TRIM39: variants seen among roughly 807,000 people sequenced by gnomAD.
TRIM39 encodes the protein E3 ubiquitin-protein ligase TRIM39.
TRIM39 carries 5 observed loss-of-function variants against 53.6 expected under a neutral mutation model. The observed-to-expected ratio is 0.09, with a 90% CI of 0.05 to 0.20. The LOEUF (loss-of-function observed/expected upper bound fraction) is 0.20. Among genes scored for constraint, TRIM39 ranks in the 10% least tolerant of loss-of-function variants. The pLI, the probability that TRIM39 is intolerant of heterozygous loss-of-function variation, is 1.00. For synonymous variants in TRIM39, 196 were observed against 237.6 expected (o/e 0.82, Z 1.61); for missense variants, 310 against 621.0 (o/e 0.50, Z 5.32).
At chr6:30,334,693 A>C in intron 4 of TRIM39, among the ~76,000 whole-genome samples, 1 of 152,104 alleles carries the variant, frequency 6.6e-6, no homozygotes, top group Non-Finnish European at 1.5e-5. Context: ...TGACAATCTT[A>C]TTTTTAACTT....
rs1350660223 is a variant in TRIM39, at chr6:30,338,237, C to T, written c.781-1671C>T. 6.6e-6 allele frequency among the ~76,000 whole-genome samples: 1 copy of T among 152,168 alleles called. No individual in the cohort carries two copies. The highest frequency in any genetic ancestry group is 1.9e-4 in the East Asian group (1 of 5,202). On this transcript the variant is annotated intron_variant, in intron 5 of 7. Coordinates refer to ENST00000396551, the Ensembl canonical transcript of TRIM39. The surrounding 1 kb of genome is among the most constrained non-coding windows in gnomAD (Gnocchi z 4.0). ...ATAACTTTTCCTTAGCATTCACAGC[C>T]TGGCTTGGTGTTTGGCACAAGAGGC...
At chr6:30,340,381 G>A (rs745679253) in intron 6 of TRIM39, 124 bp from the exon 7 acceptor site, 24 of 1,611,264 alleles carry the variant, frequency 1.5e-5, no homozygotes, top group Non-Finnish European at 1.9e-5. Context: ...TCAGGGAGGA[G>A]GAAGAAAGTG....
At chr6:30,334,478 G>A (rs772496864) in intron 4 of TRIM39, among the ~76,000 whole-genome samples, 6 of 152,190 alleles carry the variant, frequency 3.9e-5, no homozygotes, top group African/African-American at 9.6e-5. Context: ...CAAATTTCAA[G>A]AAACTAAATT....
chr6:30,326,685 C>A, exon 1 of TRIM39: 1 of 152,938 alleles, frequency 6.5e-6, no homozygotes, highest in Non-Finnish European at 1.5e-5. Context: ...GCCTGTATCT[C>A]CAGAGGATTC....
intron 4 of TRIM39, among the ~76,000 whole-genome samples, chr6:30,334,518 G>A (rs1482049725): frequency 2.0e-5 from 3 of 152,082 alleles, no homozygotes; most frequent in Non-Finnish European, 4.4e-5. Flanking sequence ...CTGTTCCTGG[G>A]GTAGGAATTG....
exon 2 of TRIM39, chr6:30,328,958 T>G: frequency 8.2e-6 from 2 of 243,726 alleles, no homozygotes; most frequent in Non-Finnish European, 1.6e-5. Flanking sequence ...GGTTCTAAGA[T>G]ATAAGTGGAA....
At chr6:30,341,399 G>A in intron 7 of TRIM39, 2 of 646,064 alleles carry the variant, frequency 3.1e-6, no homozygotes, top group Non-Finnish European at 5.9e-6. Context: ...ACTACACCTT[G>A]TACTTCTCTA....
At position 30,338,272 on chromosome 6, in the gene TRIM39, A is replaced by G. The variant is rs1036667939; in HGVS notation, c.781-1636A>G. On this transcript the variant is annotated intron_variant, in intron 5 of 7. Coordinates refer to ENST00000396551, the Ensembl canonical transcript of TRIM39. The surrounding 1 kb of genome is among the most constrained non-coding windows in gnomAD (Gnocchi z 4.0). ...GTTTGGCACAAGAGGCCTAGCTTTC[A>G]GCCCATCTTGGCTTTCAATGTGCCT... 5.9e-5 allele frequency among the ~76,000 whole-genome samples: 9 copies of G among 152,198 alleles called. No homozygotes were observed. The highest frequency in any genetic ancestry group is 1.0e-4 in the Non-Finnish European group (7 of 68,032).
exon 1 of TRIM39, chr6:30,326,892 G>A (rs913662994): frequency 6.6e-6 from 1 of 152,386 alleles, no homozygotes. Context: ...CTTCCGGCGA[G>A]TATTGTGTGT....
chr6:30,340,764 C>A, intron 7 of TRIM39, 144 bp downstream of exon 7: 1 of 828,052 alleles, frequency 1.2e-6, no homozygotes. Flanking sequence ...CTTTTAGTCT[C>A]ACCCTGAGTC....
rs1241327903 is a variant in TRIM39 at position 30,343,459 on chromosome 6, TA to T, written c.*1201del. Reference sequence around the variant, plus strand: ...TCATGTTAGGCCAAAATAAACAACTTATAGGGTACATATGTTGTCATAAAAG... The same window carrying T: ...TCATGTTAGGCCAAAATAAACAACTTTAGGGTACATATGTTGTCATAAAAG... On this transcript the variant is annotated 3_prime_UTR_variant, in exon 8 of 8. Coordinates refer to ENST00000396551, the Ensembl canonical transcript of TRIM39. 3 of 152,648 alleles carry T rather than the reference TA, an allele frequency of 2.0e-5. No homozygotes were observed. The East Asian group carries it at 5.8e-4, about 29-fold the overall frequency. 9.5% of individuals were successfully genotyped at this position (152,648 alleles called of 1,614,324 possible). A position where few individuals can be genotyped will look rare whatever the true frequency, so the allele number is the denominator to read the frequency against.
chr6:30,331,166 G>A (rs1285238854), intron 4 of TRIM39, among the ~76,000 whole-genome samples: 2 of 152,090 alleles, frequency 1.3e-5, no homozygotes, highest in East Asian at 1.9e-4. Flanking sequence ...CGACTTGGGC[G>A]GCTGAGGCAG....
At chr6:30,332,857 C>G (rs1786354601) in intron 4 of TRIM39, among the ~76,000 whole-genome samples, 1 of 152,216 alleles carries the variant, frequency 6.6e-6, no homozygotes, top group Non-Finnish European at 1.5e-5. Context: ...CTCCCTCCTT[C>G]TCCCTCATCA....
intron 3 of TRIM39, 132 bp downstream of exon 3, chr6:30,329,902 C>T: frequency 7.6e-7 from 1 of 1,310,196 alleles, no homozygotes; most frequent in South Asian, 1.5e-5. Context: ...TGCAGGGGCA[C>T]ACAGTATGTG....
At position 30,339,758 on chromosome 6, in the gene TRIM39, C is replaced by A; in HGVS notation, c.781-150C>A. 1.9e-6 allele frequency: 2 copies of A among 1,059,064 alleles called. No homozygotes were observed. Among genetic ancestry groups the A allele is most frequent in the Non-Finnish European group, 2.8e-6 (2 of 712,264 alleles). The allele number at this position is 1,059,064 out of a possible 1,614,324, so 65.6% of individuals were successfully genotyped here. On this transcript the variant is annotated intron_variant, in intron 5 of 7. Coordinates refer to ENST00000396551, the Ensembl canonical transcript of TRIM39. The surrounding 1 kb of genome is among the most constrained non-coding windows in gnomAD (Gnocchi z 4.2). The stretch of plus-strand genomic sequence containing the variant: ...TAGGTTGGGAGAAGTGCATTCAGGT[C>A]CCGCTGGAGCTCTTCTTGCACTGTG...
intron 1 of TRIM39, among the ~76,000 whole-genome samples, chr6:30,328,373 A>G (rs904233624): frequency 6.6e-6 from 1 of 152,270 alleles, no homozygotes; most frequent in Non-Finnish European, 1.5e-5. Context: ...CCAGATGAAC[A>G]CAAGAGAAAT....
At chr6:30,340,159 A>C in intron 6 of TRIM39, 2 of 1,086,430 alleles carry the variant, frequency 1.8e-6, no homozygotes, top group Non-Finnish European at 2.8e-6. Flanking sequence ...GAGAATGATA[A>C]GGTAGAATCA....
rs370322065 is a variant in TRIM39 at position 30,326,469 on chromosome 6, A to G, written c.-687A>G. The G allele has an allele frequency of 6.6e-3, 1,003 of 152,604 alleles. 2 individuals are homozygous for G. Among genetic ancestry groups the G allele is most frequent in the Middle Eastern group, 0.03 (9 of 296 alleles). 9.5% of individuals were successfully genotyped at this position (152,604 alleles called of 1,614,324 possible). A position where few individuals can be genotyped will look rare whatever the true frequency, so the allele number is the denominator to read the frequency against. On this transcript the variant is annotated 5_prime_UTR_variant, in exon 1 of 8. Coordinates refer to ENST00000396551, the Ensembl canonical transcript of TRIM39. ...CGCCACAGCTAGCCACCCTCTCCCC[A>G]GACTGGCCCGAAGAGAGGAAAAGTG...
chr6:30,330,748 T>C, intron 3 of TRIM39, 33 bp from the exon 4 acceptor site: 2 of 1,611,302 alleles, frequency 1.2e-6, no homozygotes, highest in African/African-American at 2.7e-5. Flanking sequence ...CAACCCCAAA[T>C]GTCACCTCTC....
Sources: allele counts gnomAD v4.1 joint callset (sites outside exome capture counted in the v4.1 genomes callset), GRCh38; gene constraint gnomAD v4.1.1; non-coding constraint Gnocchi (gnomAD v3.1); transcripts MANE v1.5; gene names NCBI Gene and HGNC (gene_info 2026-07-23, HGNC 2026-07-21).